The following PRCD variants were observed in gnomAD, a reference collection of about 807,000 sequenced individuals.
The protein encoded by PRCD is photoreceptor disc component.
A neutral mutation model predicts 10.1 loss-of-function variants in PRCD; 12 were observed. That is an observed-to-expected ratio of 1.18 (90% CI 0.76 to 1.92). The LOEUF (loss-of-function observed/expected upper bound fraction) is 1.92, where lower values mean the gene tolerates loss of function less well. PRCD is among the 40% of genes most tolerant of loss of function. The probability of loss-of-function intolerance (pLI) is 0.00; values close to 1 mark genes in which losing one functional copy is unlikely to be tolerated. For missense variants in PRCD, 61 were observed against 72.2 expected (o/e 0.84, Z 0.56); for synonymous variants, 31 against 26.2 (o/e 1.18, Z -0.56).
upstream of PRCD, among the ~76,000 whole-genome samples, chr17:76,539,353 G>C (rs990444890): frequency 1.3e-5 from 2 of 152,234 alleles, no homozygotes; most frequent in Non-Finnish European, 2.9e-5. Context: ...GTCGTATGGT[G>C]TAGGAATGAA....
At chr17:76,542,686 A>C (rs1598213716) in intron 3 of PRCD, 53 bp downstream of exon 3, 1 of 1,149,854 alleles carries the variant, frequency 8.7e-7, no homozygotes, top group East Asian at 2.4e-5. Flanking sequence ...TGGGACAGGC[A>C]GGAAGCAACA....
upstream of PRCD, chr17:76,537,456 A>G (rs1385604401): frequency 3.8e-6 from 6 of 1,598,018 alleles, no homozygotes; most frequent in African/African-American, 1.4e-5. Context: ...GGGCCCACAT[A>G]GCCTGCACCG....
In PRCD at chr17:76,530,106, A is replaced by C. The variant is rs780292316; in HGVS notation, n.45+2273A>C. On this transcript the variant is annotated intron_variant and non_coding_transcript_variant, in intron 1 of 4. Transcript: ENST00000397633. The surrounding 1 kb of genome is among the most constrained non-coding windows in gnomAD (Gnocchi z 6.1). The stretch of plus-strand genomic sequence containing the variant: ...CCTTTTCCATGGGAAACTGCTGGGA[A>C]TGTTTCTCTACCACGGGAATGTTTC... 1.5e-3 allele frequency: 1,492 copies of C among 983,026 alleles called. 6 individuals carry two copies. The highest frequency in any genetic ancestry group is 5.5e-3 in the Admixed American group (89 of 16,258). 60.9% of individuals were successfully genotyped at this position (983,026 alleles called of 1,614,324 possible).
chr17:76,539,533 C>G (rs1031349070), upstream of PRCD, among the ~76,000 whole-genome samples: 1 of 152,236 alleles, frequency 6.6e-6, no homozygotes, highest in African/African-American at 2.4e-5. Flanking sequence ...TCCCGTCTCT[C>G]TGGCTTCATT....
Position 76,531,089 on chromosome 17 carries a change from G to C in PRCD, n.45+3256G>C. ...CCCAGGCTCTCTGCGTCTCAGGTGGGAAGTCACTGGCAAATTCCTCGGCGA... is the reference window on the plus strand; with the variant it reads ...CCCAGGCTCTCTGCGTCTCAGGTGGCAAGTCACTGGCAAATTCCTCGGCGA... On this transcript the variant is annotated intron_variant and non_coding_transcript_variant, in intron 1 of 4. Coordinates refer to the PRCD transcript ENST00000397633. This position sits in a 1 kb window ranked among gnomAD's most constrained non-coding sequence, Gnocchi z 7.4. 1 of 1,613,756 alleles carries C rather than the reference G, an allele frequency of 6.2e-7. No individual in the cohort carries two copies. Among genetic ancestry groups the C allele is most frequent in the Non-Finnish European group, 8.5e-7 (1 of 1,179,944 alleles).
At position 76,540,172 on chromosome 17, in the gene PRCD, C is replaced by T; in HGVS notation, c.31C>T (p.Leu11=). 1 of 1,601,838 alleles carries T rather than the reference C, an allele frequency of 6.2e-7. No individual in the cohort carries two copies. The highest frequency in any genetic ancestry group is 8.5e-7 in the Non-Finnish European group (1 of 1,174,920). The change falls in exon 1 of 5, where the codon CTG becomes TTG. Residue 11 remains leucine, a synonymous_variant. Transcript: ENST00000592014. The surrounding 1 kb of genome is among the most constrained non-coding windows in gnomAD (Gnocchi z 5.0). ...CACCACCCTTTTCCTGCTCAGCACC[C>T]TGGCCATGCTCTGGCGCCGCCGATT... MCTTLFLLST[L]AMLWRRRFAN...
intron 1 of PRCD, among the ~76,000 whole-genome samples, chr17:76,532,241 C>T (rs1175113399): frequency 6.6e-6 from 1 of 152,224 alleles, no homozygotes; most frequent in Non-Finnish European, 1.5e-5. Context: ...TGTCCACATT[C>T]CCCACTATAC....
downstream of PRCD, among the ~76,000 whole-genome samples, chr17:76,547,961 C>T (rs1223628151): frequency 1.3e-5 from 2 of 151,610 alleles, no homozygotes; most frequent in African/African-American, 4.8e-5. Context: ...TATACACACA[C>T]ATACACATAA....
intron 1 of PRCD, chr17:76,550,903 T>C (rs1358744191): frequency 1.3e-5 from 2 of 152,270 alleles, no homozygotes; most frequent in African/African-American, 4.8e-5. Flanking sequence ...AGCACTGATT[T>C]AACGAAGTCC....
At chr17:76,543,747 G>A (rs1338620055) in intron 4 of PRCD, 56 bp from the exon 5 acceptor site, 1 of 469,494 alleles carries the variant, frequency 2.1e-6, no homozygotes, top group African/African-American at 2.0e-5. Context: ...GGTCCGAGGT[G>A]CTGGTGTCGG....
chr17:76,552,998 C>G (rs1246015848), intron 1 of PRCD: 1 of 150,204 alleles, frequency 6.7e-6, no homozygotes. Flanking sequence ...AAATGTGTCT[C>G]TGAATCAAAA....
At chr17:76,542,430 A>C in intron 2 of PRCD, 123 bp from the exon 3 acceptor site, 1 of 1,103,444 alleles carries the variant, frequency 9.1e-7, no homozygotes, top group African/African-American at 1.5e-5. Context: ...CTGATTCCTT[A>C]GGTGGTCCTG....
upstream of PRCD, among the ~76,000 whole-genome samples, chr17:76,536,104 T>C (rs2074910671): frequency 6.6e-6 from 1 of 152,216 alleles, no homozygotes; most frequent in Non-Finnish European, 1.5e-5. Context: ...AGTATCCCAA[T>C]GTCCCTCTTA....
At position 76,545,088 on chromosome 17, in the gene PRCD, C is replaced by T; in HGVS notation, c.*1438C>T. Reference sequence around the variant, plus strand: ...GGGGCTGTCTCCCCCAGGGAGCAGGCTGGCTTTGGTGGGAGCAGATTGTGT... The same window carrying T: ...GGGGCTGTCTCCCCCAGGGAGCAGGTTGGCTTTGGTGGGAGCAGATTGTGT... On this transcript the variant is annotated 3_prime_UTR_variant, in exon 5 of 5. Coordinates refer to ENST00000592014, the MANE Select transcript of PRCD (RefSeq NM_001077620.3). 1 of 454,018 alleles carries T rather than the reference C, an allele frequency of 2.2e-6. No homozygotes were observed. The highest frequency in any genetic ancestry group is 1.6e-5 in the South Asian group (1 of 64,502). The allele number at this position is 454,018 out of a possible 1,614,324, so 28.1% of individuals were successfully genotyped here.
chr17:76,540,250 TCG>T lies in PRCD; in HGVS notation c.74+36_74+37del, dbSNP rs1491266453. On this transcript the variant is annotated intron_variant, in intron 1 of 4. Coordinates refer to ENST00000592014, the MANE Select transcript of PRCD (RefSeq NM_001077620.3). This position sits in a 1 kb window ranked among gnomAD's most constrained non-coding sequence, Gnocchi z 5.0. ...TGACCGGGCTATGGCTGGCGGTTGG[TCG>T]GGGGGGGGGGGCATGGGGCTGGGCT... is the stretch of plus-strand genomic sequence containing the variant. 9.4e-3 allele frequency: 4,340 copies of T among 463,452 alleles called. 618 individuals are homozygous for T. Among genetic ancestry groups the T allele is most frequent in the African/African-American group, 0.058 (1,276 of 22,036 alleles). 28.7% of individuals were successfully genotyped at this position (463,452 alleles called of 1,614,324 possible).
At position 76,531,104 on chromosome 17, in the gene PRCD, T is replaced by C. The variant is rs751367956; in HGVS notation, n.45+3271T>C. 6.2e-7 allele frequency: 1 copy of C among 1,613,458 alleles called. No homozygotes were observed. The highest frequency in any genetic ancestry group is 8.5e-7 in the Non-Finnish European group (1 of 1,179,830). On this transcript the variant is annotated intron_variant and non_coding_transcript_variant, in intron 1 of 4. Transcript: ENST00000397633. This position sits in a 1 kb window ranked among gnomAD's most constrained non-coding sequence, Gnocchi z 7.4. Reference sequence around the variant, plus strand: ...TCTCAGGTGGGAAGTCACTGGCAAATTCCTCGGCGACCACCTCCAGAATGA... The same window carrying C: ...TCTCAGGTGGGAAGTCACTGGCAAACTCCTCGGCGACCACCTCCAGAATGA...
downstream of PRCD, among the ~76,000 whole-genome samples, chr17:76,549,365 C>G (rs943854598): frequency 6.6e-6 from 1 of 152,180 alleles, no homozygotes; most frequent in Non-Finnish European, 1.5e-5. Context: ...CGGTGGCTCA[C>G]GCCTGTAATA....
At position 76,531,421 on chromosome 17, in the gene PRCD, G is replaced by A. The variant is rs773653945; in HGVS notation, n.45+3588G>A. 2.4e-5 allele frequency: 38 copies of A among 1,586,468 alleles called. No homozygotes were observed. In the East Asian group the frequency reaches 4.5e-4, roughly 19 times the overall value. On this transcript the variant is annotated intron_variant and non_coding_transcript_variant, in intron 1 of 4. Coordinates refer to the PRCD transcript ENST00000397633. This position sits in a 1 kb window ranked among gnomAD's most constrained non-coding sequence, Gnocchi z 7.4. ...TGCGAGCTGCAGATGGCCATGACGCGTGGGCGGTGGGGGCTCTGCAGCAGA... is the reference window on the plus strand; with the variant it reads ...TGCGAGCTGCAGATGGCCATGACGCATGGGCGGTGGGGGCTCTGCAGCAGA...
rs1598204959 is a variant in PRCD, at chr17:76,533,694, G to A, written n.45+5861G>A. The stretch of plus-strand genomic sequence containing the variant: ...GCCAAGATTGTGCCATTGCACTCCA[G>A]CCTGGGTGACAGAGTGAGACCCTGA... On this transcript the variant is annotated intron_variant and non_coding_transcript_variant, in intron 1 of 4. Transcript: ENST00000397633. The surrounding 1 kb of genome is among the most constrained non-coding windows in gnomAD (Gnocchi z 4.5). Among the ~76,000 whole-genome samples the A allele has an allele frequency of 6.6e-6, 1 of 152,180 alleles. No individual in the cohort carries two copies. Among genetic ancestry groups the A allele is most frequent in the African/African-American group, 2.4e-5 (1 of 41,508 alleles).
Sources: allele counts gnomAD v4.1 joint callset (sites outside exome capture counted in the v4.1 genomes callset), GRCh38; gene constraint gnomAD v4.1.1; non-coding constraint Gnocchi (gnomAD v3.1); transcripts MANE v1.5; gene names NCBI Gene and HGNC (gene_info 2026-07-23, HGNC 2026-07-21).